ZBBX: variants seen among roughly 807,000 people sequenced by gnomAD.
ZBBX encodes the protein zinc finger B-box domain-containing protein 1.
Under a neutral mutation model 108.5 loss-of-function variants are expected in ZBBX, and 101 were observed. The ratio of observed to expected loss-of-function variants is 0.93; its 90% CI spans 0.79 to 1.10. The LOEUF is 1.10. ZBBX is among the 50% of genes least tolerant of loss of function. The pLI, the probability that ZBBX is intolerant of heterozygous loss-of-function variation, is 0.00. For missense variants in ZBBX, 1,009 were observed against 941.4 expected (o/e 1.07, Z -0.94); for synonymous variants, 356 against 323.4 (o/e 1.10, Z -1.08).
chr3:167,261,865 C>G (rs887792892), intron 20 of ZBBX, among the ~76,000 whole-genome samples: 1 of 151,482 alleles, frequency 6.6e-6, no homozygotes, highest in African/African-American at 2.4e-5. Context: ...CACCCTCCCC[C>G]AAATTCTGGA....
chr3:167,235,385 T>C (rs950312273), downstream of ZBBX, among the ~76,000 whole-genome samples: 1 of 151,678 alleles, frequency 6.6e-6, no homozygotes, highest in African/African-American at 2.4e-5. Flanking sequence ...TATAACAGTT[T>C]AAAAGACTTA....
At chr3:167,178,685 G>A in the ZBBX span, among the ~76,000 whole-genome samples, 1 of 152,138 alleles carries the variant, frequency 6.6e-6, no homozygotes, top group African/African-American at 2.4e-5. Flanking sequence ...TCTACCCCAA[G>A]TTATTATTTT....
downstream of ZBBX, among the ~76,000 whole-genome samples, chr3:167,239,059 C>A (rs578133847): frequency 1.2e-4 from 18 of 152,138 alleles, no homozygotes; most frequent in Admixed American, 2.6e-4. Context: ...CAAGAATTGC[C>A]TCATGCAATT....
chr3:167,215,337 A>T, the ZBBX span, among the ~76,000 whole-genome samples: 1 of 152,142 alleles, frequency 6.6e-6, no homozygotes, highest in African/African-American at 2.4e-5. Flanking sequence ...ATCATCAGAA[A>T]CTACTATGAA....
chr3:167,338,228 T>G (rs972717662), intron 9 of ZBBX, among the ~76,000 whole-genome samples: 1 of 152,148 alleles, frequency 6.6e-6, no homozygotes, highest in Non-Finnish European at 1.5e-5. Flanking sequence ...TCACCTAAAC[T>G]TTTTTTCTGC....
intron 2 of ZBBX, among the ~76,000 whole-genome samples, chr3:167,376,723 TTCAC>T (rs1747016999): frequency 6.6e-6 from 1 of 152,206 alleles, no homozygotes; most frequent in Non-Finnish European, 1.5e-5. Flanking sequence ...GGGATTTCAC[TTCAC>T]TGAATGCAAT....
chr3:167,209,948 G>C, the ZBBX span, among the ~76,000 whole-genome samples: 1 of 152,114 alleles, frequency 6.6e-6, no homozygotes, highest in South Asian at 2.1e-4. Flanking sequence ...AAATCAGCTA[G>C]GCATGGTGGC....
Position 167,317,125 on chromosome 3 carries a change from A to G in ZBBX, c.1094-20T>C, listed in dbSNP as rs1318095944. On this transcript the variant is annotated intron_variant, in intron 13 of 21. Transcript: ENST00000675490. The stretch of plus-strand genomic sequence containing the variant: ...CCTCACCTAGGAAATAAGATTCACA[A>G]ATAATATCATCAAAGAATATATCTT... 1 of 1,428,196 alleles carries G rather than the reference A, an allele frequency of 7.0e-7. No homozygotes were observed. Among genetic ancestry groups the G allele is most frequent in the Non-Finnish European group, 9.8e-7 (1 of 1,020,756 alleles). 88.5% of individuals were successfully genotyped at this position (1,428,196 alleles called of 1,614,324 possible).
intron 9 of ZBBX, among the ~76,000 whole-genome samples, chr3:167,343,834 G>A (rs1415570531): frequency 4.0e-5 from 6 of 151,836 alleles, no homozygotes; most frequent in Non-Finnish European, 8.8e-5. Flanking sequence ...ATTAAAAATG[G>A]AGTTACCATA....
the ZBBX span, among the ~76,000 whole-genome samples, chr3:167,205,721 T>C: frequency 1.3e-5 from 2 of 152,160 alleles, no homozygotes; most frequent in Non-Finnish European, 2.9e-5. Context: ...TAACTTGCCC[T>C]TTTTCACAAA....
intron 1 of ZBBX, among the ~76,000 whole-genome samples, chr3:167,385,898 A>G (rs1280318958): frequency 6.6e-6 from 1 of 152,058 alleles, no homozygotes; most frequent in Non-Finnish European, 1.5e-5. Flanking sequence ...CCAAGGATTG[A>G]TAAGCAGATA....
At chr3:167,198,383 A>G in the ZBBX span, among the ~76,000 whole-genome samples, 4 of 152,258 alleles carry the variant, frequency 2.6e-5, no homozygotes, top group South Asian at 8.3e-4. Context: ...ATATCCTAAT[A>G]TGATAATGTA....
At position 167,295,710 on chromosome 3, in the gene ZBBX, AATATATATATATATATATATATATATAT is replaced by A. The variant is rs1181996279; in HGVS notation, c.1879+2567_1879+2594del. ...AAATCATGAAGAAACAAAAAATTGG[AATATATATATATATATATATATATATAT>A]ATATATATATATATATATATAAAAA... On this transcript the variant is annotated intron_variant, in intron 18 of 21. Coordinates refer to ENST00000675490, the MANE Select transcript of ZBBX (RefSeq NM_001199201.2). Among the ~76,000 whole-genome samples the A allele has an allele frequency of 2.5e-5, 2 of 78,952 alleles. 1 individual carries two copies. The highest frequency in any genetic ancestry group is 9.3e-5 in the African/African-American group (2 of 21,404). The allele number at this position is 78,952 out of a possible 152,430, so 51.8% of individuals were successfully genotyped here.
At chr3:167,399,361 C>T (rs1421320083) in intron 1 of ZBBX, 1 of 152,134 alleles carries the variant, frequency 6.6e-6, no homozygotes, top group African/African-American at 2.4e-5. Flanking sequence ...AGTATATCTA[C>T]AACTGAAACT....
the ZBBX span, among the ~76,000 whole-genome samples, chr3:167,192,582 G>A: frequency 3.3e-5 from 5 of 152,050 alleles, no homozygotes; most frequent in African/African-American, 9.7e-5. Flanking sequence ...CTCTTGCTCA[G>A]CTCCTTTTTG....
chr3:167,295,548 G>C (rs1731491443), intron 18 of ZBBX, among the ~76,000 whole-genome samples: 1 of 151,196 alleles, frequency 6.6e-6, no homozygotes, highest in South Asian at 2.1e-4. Flanking sequence ...GGATAAGGGA[G>C]GGATAGCATT....
chr3:167,257,315 T>C (rs912502141), intron 20 of ZBBX, among the ~76,000 whole-genome samples: 5 of 152,136 alleles, frequency 3.3e-5, no homozygotes, highest in Admixed American at 6.5e-5. Flanking sequence ...ATTTTGGTGG[T>C]CTTCAGGTTT....
intron 1 of ZBBX, among the ~76,000 whole-genome samples, chr3:167,400,596 T>C (rs1748395302): frequency 6.6e-6 from 1 of 152,060 alleles, no homozygotes; most frequent in African/African-American, 2.4e-5. Flanking sequence ...TATAGTACCG[T>C]GAACTCCAAA....
rs1186489890 is a variant in ZBBX at position 167,333,961 on chromosome 3, C to A, written c.553G>T (p.Val185Leu). 3 of 1,586,472 alleles carry A rather than the reference C, an allele frequency of 1.9e-6. No homozygotes were observed. The Admixed American group carries it at 5.5e-5, about 29-fold the overall frequency. ...ATAAACTGATGGGCAACATCCAATA[C>A]ATTGAATAATATTTGAGATTTTGCC... Reference protein sequence around the residue: ...LQAKSQILFNVLDVAHQFIKD... With the variant: ...LQAKSQILFNLLDVAHQFIKD... Residue 185 changes from valine (V) to leucine (L), a missense_variant, in exon 10 of 22, where the codon GTA becomes TTA. Val to Leu is a conservative substitution (Grantham distance 32). Transcript: ENST00000675490.
Sources: gnomAD v4.1 joint callset for allele counts (sites outside exome capture counted in the v4.1 genomes callset) on GRCh38, gnomAD v4.1.1 for gene constraint, MANE v1.5 for transcripts, NCBI Gene and HGNC (gene_info 2026-07-23, HGNC 2026-07-21) for gene names.